Variants in STPG2 observed in about 807,000 individuals in gnomAD.
STPG2 encodes the protein sperm-tail PG-rich repeat-containing protein 2.
Under a neutral mutation model 54.2 loss-of-function variants are expected in STPG2, and 56 were observed. The ratio of observed to expected loss-of-function variants is 1.03; its 90% confidence interval spans 0.83 to 1.29. The LOEUF (loss-of-function observed/expected upper bound fraction) is 1.29. STPG2 is among the 50% of genes most tolerant of loss of function. The pLI is 0.00. For missense variants in STPG2, 596 were observed against 544.9 expected (o/e 1.09, Z -0.93); for synonymous variants, 200 against 181.8 (o/e 1.10, Z -0.81).
At chr4:97,638,267 G>C (rs1159872824) in intron 10 of STPG2, among the ~76,000 whole-genome samples, 1 of 152,084 alleles carries the variant, frequency 6.6e-6, no homozygotes, top group Non-Finnish European at 1.5e-5. Flanking sequence ...TTAATAAATG[G>C]TACTGGGAAA....
chr4:97,507,818 A>C (rs1256613078), intron 4 of STPG2, among the ~76,000 whole-genome samples: 1 of 152,108 alleles, frequency 6.6e-6, no homozygotes. Flanking sequence ...ACAAAGAGTC[A>C]GGGCATGTTA....
chr4:97,608,594 G>C (rs865865632), intron 10 of STPG2, among the ~76,000 whole-genome samples: 35 of 151,942 alleles, frequency 2.3e-4, no homozygotes, highest in African/African-American at 8.5e-4. Flanking sequence ...ACTTTCCCTC[G>C]GCTTTACAAA....
chr4:97,522,306 T>C (rs1317490191), intron 4 of STPG2, among the ~76,000 whole-genome samples: 3 of 152,020 alleles, frequency 2.0e-5, no homozygotes, highest in Non-Finnish European at 4.4e-5. Flanking sequence ...ACATGTGTTT[T>C]TCTTCCATTG....
At chr4:97,582,012 T>C (rs1732874271) in intron 10 of STPG2, among the ~76,000 whole-genome samples, 1 of 152,032 alleles carries the variant, frequency 6.6e-6, no homozygotes, top group Non-Finnish European at 1.5e-5. Flanking sequence ...TTTGGTCTTA[T>C]TATTTTATAA....
chr4:97,831,329 A>G (rs1428761326), intron 9 of STPG2, among the ~76,000 whole-genome samples: 1 of 152,212 alleles, frequency 6.6e-6, no homozygotes, highest in African/African-American at 2.4e-5. Flanking sequence ...ACCAATGAGA[A>G]CAAAAACACA....
chr4:97,842,058 C>G (rs1167393585), intron 8 of STPG2, among the ~76,000 whole-genome samples: 1 of 151,800 alleles, frequency 6.6e-6, no homozygotes, highest in Non-Finnish European at 1.5e-5. Context: ...TGAAGTCCCT[C>G]TAGGAGCCAT....
intron 10 of STPG2, among the ~76,000 whole-genome samples, chr4:97,685,864 T>TA (rs1161305323): frequency 6.6e-6 from 1 of 152,178 alleles, no homozygotes; most frequent in Non-Finnish European, 1.5e-5. Context: ...TCCATTTTTG[T>TA]AAAAAGGCAA....
intron 10 of STPG2, among the ~76,000 whole-genome samples, chr4:97,564,433 A>T (rs922806063): frequency 6.6e-6 from 1 of 151,756 alleles, no homozygotes; most frequent in Non-Finnish European, 1.5e-5. Context: ...GTCCATTTAC[A>T]TTTAAAGTTA....
chr4:97,715,927 A>T (rs141651496), intron 9 of STPG2, among the ~76,000 whole-genome samples: 2,635 of 152,284 alleles, frequency 0.017, 68 homozygotes, highest in African/African-American at 0.059. Context: ...ATTAGAGAAA[A>T]TTTTTGCAAT....
chr4:97,534,846 G>A (rs1434546682), intron 4 of STPG2, among the ~76,000 whole-genome samples: 1 of 152,128 alleles, frequency 6.6e-6, no homozygotes, highest in Non-Finnish European at 1.5e-5. Flanking sequence ...GCCTTTGCCA[G>A]ATGTTTTATA....
chr4:97,470,978 G>A (rs980210646), intron 4 of STPG2, among the ~76,000 whole-genome samples: 9 of 152,034 alleles, frequency 5.9e-5, no homozygotes, highest in Non-Finnish European at 1.2e-4. Context: ...TTACAATATC[G>A]ATGGTTGGGT....
chr4:97,518,801 T>C (rs1731125937), intron 4 of STPG2, among the ~76,000 whole-genome samples: 1 of 152,072 alleles, frequency 6.6e-6, no homozygotes, highest in Non-Finnish European at 1.5e-5. Context: ...CTTCCTACTA[T>C]CTATTTTGTC....
chr4:97,988,450 G>A (rs186949187), intron 5 of STPG2, among the ~76,000 whole-genome samples: 2 of 152,222 alleles, frequency 1.3e-5, no homozygotes, highest in Non-Finnish European at 2.9e-5. Flanking sequence ...GTATAAAACA[G>A]TACCTGAAAC....
At chr4:97,701,069 A>G (rs1448261647) in intron 10 of STPG2, among the ~76,000 whole-genome samples, 1 of 152,174 alleles carries the variant, frequency 6.6e-6, no homozygotes, top group South Asian at 2.1e-4. Context: ...TAGTGGCACT[A>G]ATCTCTGCAA....
chr4:97,953,970 G>GA (rs1316719530), intron 7 of STPG2, among the ~76,000 whole-genome samples: 1 of 151,936 alleles, frequency 6.6e-6, no homozygotes, highest in African/African-American at 2.4e-5. Flanking sequence ...TGCCATCTTG[G>GA]AAAAAAGAAA....
intron 7 of STPG2, among the ~76,000 whole-genome samples, chr4:97,944,458 AT>A (rs1267219536): frequency 2.0e-5 from 3 of 152,052 alleles, no homozygotes; most frequent in Non-Finnish European, 4.4e-5. Flanking sequence ...ACTCTCTTAA[AT>A]ATCATAATTC....
intron 8 of STPG2, among the ~76,000 whole-genome samples, chr4:97,843,601 T>C (rs748287590): frequency 2.0e-5 from 3 of 151,914 alleles, no homozygotes; most frequent in Non-Finnish European, 2.9e-5. Context: ...GAGATGCTAA[T>C]GGGATATCAA....
chr4:97,821,789 G>C (rs1033293366), intron 9 of STPG2, among the ~76,000 whole-genome samples: 3 of 152,154 alleles, frequency 2.0e-5, no homozygotes, highest in African/African-American at 7.2e-5. Flanking sequence ...GGCCCTATGA[G>C]CTGAGGCTTG....
rs1578819273 is a variant in STPG2 at position 98,057,193 on chromosome 4, C to G, written c.612+48760G>C. ...CACCTCTCCAGCAAGGATTCAGAAC[C>G]AAGCTGAGGCTAAGATGGCTGAAAT... On this transcript the variant is annotated intron_variant, in intron 5 of 10. Coordinates refer to ENST00000295268, the MANE Select transcript of STPG2 (RefSeq NM_174952.3). Among the ~76,000 whole-genome samples, 2 of 152,160 alleles carry G rather than the reference C, an allele frequency of 1.3e-5. 1 individual carries two copies. The highest frequency in any genetic ancestry group is 4.1e-4 in the South Asian group (2 of 4,828).
Sources: allele counts gnomAD v4.1 joint callset (sites outside exome capture counted in the v4.1 genomes callset), GRCh38; gene constraint gnomAD v4.1.1; transcripts MANE v1.5; gene names NCBI Gene and HGNC (gene_info 2026-07-23, HGNC 2026-07-21).